Variants in MAPRE1 observed in about 807,000 individuals in gnomAD.
MAPRE1 encodes the protein microtubule associated protein RP/EB family member 1.
In MAPRE1, 5 loss-of-function variants were observed where a neutral mutation model predicts 32.1. That is an observed-to-expected ratio of 0.16 (90% CI 0.08 to 0.33). The LOEUF is 0.33. Ranked by LOEUF, MAPRE1 falls within the 10% of genes least tolerant of loss-of-function variation. MAPRE1 has a pLI of 1.00. For synonymous variants in MAPRE1, 122 were observed against 118.9 expected (o/e 1.03, Z -0.17); for missense variants, 209 against 327.2 (o/e 0.64, Z 2.79).
At position 32,826,206 on chromosome 20, in the gene MAPRE1, C is replaced by G. The variant is rs548409403; in HGVS notation, c.121+158C>G. 4.1e-5 allele frequency among the ~76,000 whole-genome samples: 6 copies of G among 146,030 alleles called. No individual in the cohort carries two copies. In the South Asian group the frequency reaches 1.3e-3, roughly 32 times the overall value. On this transcript the variant is annotated intron_variant, in intron 2 of 6. Transcript: ENST00000375571. ...TCAGCCCTGCCTTTGCTTCTGCTTC[C>G]AAAGGAACTTTTTTTTTTTTTTTTT...
chr20:32,847,260 C>T (rs1983529680), intron 6 of MAPRE1, among the ~76,000 whole-genome samples: 1 of 152,186 alleles, frequency 6.6e-6, no homozygotes, highest in African/African-American at 2.4e-5. Context: ...TCAAAGTACT[C>T]TATGATCAAG....
chr20:32,833,930 A>T (rs1983111031), intron 3 of MAPRE1, 68 bp downstream of exon 3: 1 of 1,370,360 alleles, frequency 7.3e-7, no homozygotes, highest in Non-Finnish European at 9.8e-7. Flanking sequence ...GGTAGATGCT[A>T]GCTTATGACT....
At chr20:32,831,174 G>A (rs1397712879) in intron 2 of MAPRE1, among the ~76,000 whole-genome samples, 1 of 151,890 alleles carries the variant, frequency 6.6e-6, no homozygotes, top group Admixed American at 6.6e-5. Flanking sequence ...GCCAGGTGTG[G>A]TAGTTCATGC....
At chr20:32,835,902 G>A (rs940011616) in intron 3 of MAPRE1, among the ~76,000 whole-genome samples, 4 of 151,912 alleles carry the variant, frequency 2.6e-5, no homozygotes, top group South Asian at 2.1e-4. Context: ...CACCACGCCC[G>A]GCCCAGAATT....
In MAPRE1 at chr20:32,849,628, C is replaced by T. The variant is rs1368576188; in HGVS notation, c.*900C>T. ...CTGTCTTTTAGGTTTACATTTACCA[C>T]GTTTCTCTTCTCTGCTCCCCTTGCC... is the stretch of plus-strand genomic sequence containing the variant. On this transcript the variant is annotated 3_prime_UTR_variant, in exon 7 of 7. Transcript: ENST00000375571. 2 of 152,578 alleles carry T rather than the reference C, an allele frequency of 1.3e-5. No individual in the cohort carries two copies. The highest frequency in any genetic ancestry group is 2.9e-5 in the Non-Finnish European group (2 of 68,030). The allele number at this position is 152,578 out of a possible 1,614,324, so 9.5% of individuals were successfully genotyped here.
intron 1 of MAPRE1, among the ~76,000 whole-genome samples, chr20:32,823,346 T>C (rs1278241550): frequency 1.3e-5 from 2 of 152,194 alleles, no homozygotes; most frequent in Non-Finnish European, 2.9e-5. Flanking sequence ...GATCTCAGGA[T>C]TGTTCCAGAT....
rs114607406 is a variant in MAPRE1 at position 32,837,714 on chromosome 20, A to G, written c.475+873A>G. 5.7e-3 allele frequency among the ~76,000 whole-genome samples: 868 copies of G among 152,360 alleles called. 8 individuals are homozygous for G. Among genetic ancestry groups the G allele is most frequent in the African/African-American group, 0.02 (827 of 41,580 alleles). ...ATTTTTATATTTAAAGTATAAAGTT[A>G]AACGGTTTTTAATATATCCAAAGAA... On this transcript the variant is annotated intron_variant, in intron 4 of 6. Coordinates refer to ENST00000375571, the MANE Select transcript of MAPRE1 (RefSeq NM_012325.3).
intron 4 of MAPRE1, among the ~76,000 whole-genome samples, chr20:32,837,344 T>C (rs1425497847): frequency 6.6e-6 from 1 of 152,174 alleles, no homozygotes; most frequent in African/African-American, 2.4e-5. Flanking sequence ...TACTCACAGC[T>C]TCCCTACCTG....
chr20:32,844,045 G>C (rs763365802), intron 5 of MAPRE1, among the ~76,000 whole-genome samples: 1 of 152,028 alleles, frequency 6.6e-6, no homozygotes, highest in Non-Finnish European at 1.5e-5. Flanking sequence ...GTAGAGACAG[G>C]GTTTCACCAT....
chr20:32,839,890 T>TCGGGGGATAGGATCCTTG (rs781224054), intron 5 of MAPRE1, 34 bp downstream of exon 5: 2 of 1,612,702 alleles, frequency 1.2e-6, no homozygotes, highest in Non-Finnish European at 1.7e-6. Flanking sequence ...GTGAGTCACC[T>TCGGGGGATAGGATCCTTG]CGGGGGATAG....
chr20:32,847,942 C>T (rs374689544), intron 6 of MAPRE1, among the ~76,000 whole-genome samples: 8 of 151,838 alleles, frequency 5.3e-5, no homozygotes, highest in African/African-American at 1.9e-4. Context: ...CTAAGTATAA[C>T]AAAAGGAAGG....
rs1427791683 is a variant in MAPRE1, at chr20:32,820,038, C to G, written c.-4+10C>G. On this transcript the variant is annotated intron_variant, in intron 1 of 6. Coordinates refer to ENST00000375571, the MANE Select transcript of MAPRE1 (RefSeq NM_012325.3). ...GTTCTGCCGAGAGCCGGTGAGCCGGCTAGCGGGCCCGGGGGGTGCGGCTGG... is the reference window on the plus strand; with the variant it reads ...GTTCTGCCGAGAGCCGGTGAGCCGGGTAGCGGGCCCGGGGGGTGCGGCTGG... The G allele has an allele frequency of 6.6e-6, 1 of 152,120 alleles. No individual in the cohort carries two copies. Among genetic ancestry groups the G allele is most frequent in the Non-Finnish European group, 1.5e-5 (1 of 68,198 alleles). 9.4% of individuals were successfully genotyped at this position (152,120 alleles called of 1,614,324 possible).
intron 1 of MAPRE1, 62 bp from the exon 2 acceptor site, chr20:32,825,863 A>G (rs1480813650): frequency 2.6e-5 from 37 of 1,449,670 alleles, no homozygotes; most frequent in Non-Finnish European, 3.3e-5. Context: ...TCTAGGAAAC[A>G]CTTGACCTTA....
In MAPRE1 at chr20:32,848,976, C is replaced by T. The variant is rs1322560546; in HGVS notation, c.*248C>T. 4 of 340,148 alleles carry T rather than the reference C, an allele frequency of 1.2e-5. No homozygotes were observed. The highest frequency in any genetic ancestry group is 4.5e-5 in the Admixed American group (1 of 22,206). 21.1% of individuals were successfully genotyped at this position (340,148 alleles called of 1,614,324 possible). A position where few individuals can be genotyped will look rare whatever the true frequency, so the allele number is the denominator to read the frequency against. ...TCACCTGGAAAACAGAGAGGCTGAC[C>T]GTGGGGCTCACCATGCGGATGCGGG... On this transcript the variant is annotated 3_prime_UTR_variant, in exon 7 of 7. Transcript: ENST00000375571.
chr20:32,846,645 G>T lies in MAPRE1; in HGVS notation c.625G>T (p.Asp209Tyr). Reference sequence around the variant, plus strand: ...CAACGTATTGAAACTTACTGTTGAAGACTTGGAGAAAGAGAGGGATTTCTA... The same window carrying T: ...CAACGTATTGAAACTTACTGTTGAATACTTGGAGAAAGAGAGGGATTTCTA... ...QVNVLKLTVEDLEKERDFYFG... is the reference protein window; with the variant it reads ...QVNVLKLTVEYLEKERDFYFG... The change falls in exon 6 of 7, where the codon GAC becomes TAC. Residue 209 changes from aspartate (D) to tyrosine (Y), a missense_variant. Asp to Tyr is a radical substitution (Grantham distance 160). Transcript: ENST00000375571. The T allele has an allele frequency of 6.2e-7, 1 of 1,614,056 alleles. No homozygotes were observed. The highest frequency in any genetic ancestry group is 2.2e-5 in the East Asian group (1 of 44,868).
intron 2 of MAPRE1, among the ~76,000 whole-genome samples, chr20:32,830,121 C>T (rs1015473668): frequency 6.6e-6 from 1 of 152,136 alleles, no homozygotes; most frequent in African/African-American, 2.4e-5. Context: ...CCCTTCTCCT[C>T]CTTGTCTTCT....
intron 5 of MAPRE1, among the ~76,000 whole-genome samples, chr20:32,840,304 T>C (rs766095618): frequency 8.5e-5 from 13 of 152,098 alleles, no homozygotes; most frequent in Admixed American, 1.3e-4. Context: ...TTCTTAGTAA[T>C]TGGGTGATTC....
chr20:32,826,005 GTC>G lies in MAPRE1; in HGVS notation c.82_83del (p.Leu28AlafsTer38). 1 of 1,609,840 alleles carries G rather than the reference GTC, an allele frequency of 6.2e-7. No homozygotes were observed. The highest frequency in any genetic ancestry group is 8.5e-7 in the Non-Finnish European group (1 of 1,176,666). On this transcript the variant is annotated frameshift_variant, in exon 2 of 7. Transcript: ENST00000375571. LOFTEE classifies it high-confidence loss of function. ...ATGACATGCTGGCCTGGATCAATGAGTCTCTGCAGTTGAATCTGACAAAGATC... is the reference window on the plus strand; with the variant it reads ...ATGACATGCTGGCCTGGATCAATGAGTCTGCAGTTGAATCTGACAAAGATC... ...RHDMLAWINE[S>X]LQLNLTKIEQ...
intron 2 of MAPRE1, among the ~76,000 whole-genome samples, chr20:32,827,478 C>T (rs889817646): frequency 1.3e-5 from 2 of 152,086 alleles, no homozygotes; most frequent in South Asian, 2.1e-4. Context: ...GTATGCTAAT[C>T]GTATGACGTG....
Sources: allele counts gnomAD v4.1 joint callset (sites outside exome capture counted in the v4.1 genomes callset), GRCh38; gene constraint gnomAD v4.1.1; transcripts MANE v1.5; gene names NCBI Gene and HGNC (gene_info 2026-07-23, HGNC 2026-07-21).